The following PCDHGA9 variants were observed in gnomAD, a reference collection of about 807,000 sequenced individuals.
The protein encoded by PCDHGA9 is protocadherin gamma-A9.
A neutral mutation model predicts 62.5 loss-of-function variants in PCDHGA9; 37 were observed. The ratio of observed to expected loss-of-function variants is 0.59; its 90% CI spans 0.46 to 0.78. The LOEUF is 0.78. Among genes scored for constraint, PCDHGA9 ranks in the 30% least tolerant of loss-of-function variants. The pLI is 0.00. For missense variants in PCDHGA9, 1,138 were observed against 1,166.2 expected (o/e 0.98, Z 0.35); for synonymous variants, 459 against 484.6 (o/e 0.95, Z 0.69).
At chr5:141,427,132 G>T (rs755992698) in intron 1 of PCDHGA9, 1 of 457,106 alleles carries the variant, frequency 2.2e-6, no homozygotes, top group Non-Finnish European at 4.4e-6. Context: ...AAATCCCTAC[G>T]AGATGATATT....
At chr5:141,465,657 G>A (rs904553709) in intron 1 of PCDHGA9, among the ~76,000 whole-genome samples, 4 of 152,130 alleles carry the variant, frequency 2.6e-5, no homozygotes, top group East Asian at 1.9e-4. Flanking sequence ...CCAAAAAAGC[G>A]CTTGCCATGA....
intron 1 of PCDHGA9, chr5:141,423,762 G>T: frequency 2.3e-5 from 6 of 264,236 alleles, no homozygotes; most frequent in Non-Finnish European, 3.4e-5. Context: ...GGGGGGGGGT[G>T]GGGCGGCATA....
chr5:141,427,985 C>A (rs747784722), intron 1 of PCDHGA9: 23 of 1,597,524 alleles, frequency 1.4e-5, no homozygotes, highest in Non-Finnish European at 1.9e-5. Context: ...CGCTGGGGCC[C>A]GATGGCTCCG....
chr5:141,500,269 C>T (rs977958449), intron 2 of PCDHGA9, among the ~76,000 whole-genome samples: 1 of 151,504 alleles, frequency 6.6e-6, no homozygotes, highest in African/African-American at 2.4e-5. Context: ...ACTGCAGTGG[C>T]GCAATCTCGG....
chr5:141,419,741 A>C (rs769795920), intron 1 of PCDHGA9: 2 of 1,613,856 alleles, frequency 1.2e-6, no homozygotes, highest in Admixed American at 1.7e-5. Context: ...CGAGGTGCGC[A>C]TGGTGCGTGC....
intron 1 of PCDHGA9, among the ~76,000 whole-genome samples, chr5:141,444,476 C>A (rs1228271706): frequency 6.6e-6 from 1 of 152,088 alleles, no homozygotes; most frequent in Non-Finnish European, 1.5e-5. Flanking sequence ...CGGTCGCGTA[C>A]TGGATTTATA....
chr5:141,479,035 C>A (rs2099486361), intron 1 of PCDHGA9, among the ~76,000 whole-genome samples: 1 of 152,104 alleles, frequency 6.6e-6, no homozygotes, highest in Non-Finnish European at 1.5e-5. Context: ...TTATACAGAT[C>A]GTGTACCTCA....
rs192677983 is a variant in PCDHGA9 at position 141,457,339 on chromosome 5, A to G, written c.2425-37468A>G. On this transcript the variant is annotated intron_variant, in intron 1 of 3. Transcript: ENST00000573521. The stretch of plus-strand genomic sequence containing the variant: ...CCTCCGGGTTACAGGTACCTTACTT[A>G]CTTTCATTACCTGGCACAATTTGCA... Among the ~76,000 whole-genome samples the G allele has an allele frequency of 3.1e-4, 47 of 152,268 alleles. No individual in the cohort carries two copies. The South Asian group carries it at 3.3e-3, about 11-fold the overall frequency.
At position 141,490,124 on chromosome 5, in the gene PCDHGA9, T is replaced by C. The variant is rs1216088470; in HGVS notation, c.2425-4683T>C. On this transcript the variant is annotated intron_variant, in intron 1 of 3. Transcript: ENST00000573521. The surrounding 1 kb of genome is among the most constrained non-coding windows in gnomAD (Gnocchi z 5.4). ...GAGGCAGTGCGGAACCTCTTTGGCCTAGACCCTAGCAGTGGGGCAATCCAT... is the reference window on the plus strand; with the variant it reads ...GAGGCAGTGCGGAACCTCTTTGGCCCAGACCCTAGCAGTGGGGCAATCCAT... 6.2e-7 allele frequency: 1 copy of C among 1,614,144 alleles called. No individual in the cohort carries two copies. Among genetic ancestry groups the C allele is most frequent in the Non-Finnish European group, 8.5e-7 (1 of 1,180,054 alleles).
intron 1 of PCDHGA9, chr5:141,413,959 G>A: frequency 1.9e-6 from 3 of 1,613,372 alleles, no homozygotes; most frequent in Middle Eastern, 3.3e-4. Context: ...TTTGCCTGTG[G>A]GCACTCAGCT....
At chr5:141,406,544 T>A (rs1254762260) in intron 1 of PCDHGA9, among the ~76,000 whole-genome samples, 1 of 152,222 alleles carries the variant, frequency 6.6e-6, no homozygotes, top group Non-Finnish European at 1.5e-5. Context: ...AGATTCAAAC[T>A]TCAGTTATCC....
rs749007839 is a variant in PCDHGA9 at position 141,418,069 on chromosome 5, G to A, written c.2424+12693G>A. On this transcript the variant is annotated intron_variant, in intron 1 of 3. Coordinates refer to ENST00000573521, the MANE Select transcript of PCDHGA9 (RefSeq NM_018921.3). ...CGGCTCGCGAGCTGCGAGTGAGCGC[G>A]GAGAAGCTGCACTTCAGCGTAGACG... 1.7e-5 allele frequency: 28 copies of A among 1,613,926 alleles called. 1 individual carries two copies. The Middle Eastern group carries it at 9.9e-4, about 57-fold the overall frequency.
chr5:141,472,994 AAAAG>A (rs1425445230), intron 1 of PCDHGA9, among the ~76,000 whole-genome samples: 7 of 151,692 alleles, frequency 4.6e-5, no homozygotes, highest in African/African-American at 1.7e-4. Context: ...AAAAAAAAAA[AAAAG>A]AAAGAAAAAG....
At chr5:141,415,853 G>C (rs2154546169) in intron 1 of PCDHGA9, 1 of 1,186,350 alleles carries the variant, frequency 8.4e-7, no homozygotes, top group Admixed American at 4.0e-5. Context: ...GCAGAACCTT[G>C]TAGTTTATAG....
intron 2 of PCDHGA9, among the ~76,000 whole-genome samples, chr5:141,495,623 C>T (rs990126072): frequency 3.3e-5 from 5 of 152,208 alleles, no homozygotes; most frequent in South Asian, 2.1e-4. Context: ...GCACCTCAGC[C>T]TCAGTCCCTT....
At chr5:141,418,026 T>A (rs2154547454) in intron 1 of PCDHGA9, 1 of 1,613,962 alleles carries the variant, frequency 6.2e-7, no homozygotes, top group East Asian at 2.2e-5. Context: ...GATCTAGGGC[T>A]TAGTGTCCTG....
rs756505012 is a variant in PCDHGA9 at position 141,404,131 on chromosome 5, A to G, written c.1179A>G (p.Thr393=). Residue 393 remains threonine (T), a synonymous_variant, in exon 1 of 4, where the codon ACA becomes ACG. Transcript: ENST00000573521. ...VCSIQENLSF[T]LENSEEDYYR... ...CTATCCAGGAGAATCTATCTTTTAC[A>G]TTAGAAAATTCAGAAGAAGATTATT... 1.2e-6 allele frequency: 2 copies of G among 1,613,162 alleles called. No homozygotes were observed. The highest frequency in any genetic ancestry group is 2.2e-5 in the South Asian group (2 of 90,992).
chr5:141,458,578 TG>T, intron 1 of PCDHGA9, among the ~76,000 whole-genome samples: 1 of 152,138 alleles, frequency 6.6e-6, no homozygotes. Context: ...TTTGTTTGTT[TG>T]TTTGTTTTGG....
Position 141,500,251 on chromosome 5 carries a change from C to T in PCDHGA9, c.2484-5142C>T, listed in dbSNP as rs187199142. Among the ~76,000 whole-genome samples, 1,493 of 151,438 alleles carry T rather than the reference C, an allele frequency of 9.9e-3. 32 individuals are homozygous for T. Among genetic ancestry groups the T allele is most frequent in the African/African-American group, 0.035 (1,426 of 41,214 alleles). Reference sequence around the variant, plus strand: ...TGATACGTAGCCTTGCTCTGTCACCCAGGCTGGACTGCAGTGGCGCAATCT... The same window carrying T: ...TGATACGTAGCCTTGCTCTGTCACCTAGGCTGGACTGCAGTGGCGCAATCT... On this transcript the variant is annotated intron_variant, in intron 2 of 3. Coordinates refer to ENST00000573521, the MANE Select transcript of PCDHGA9 (RefSeq NM_018921.3).
Sources: gnomAD v4.1 joint callset for allele counts (sites outside exome capture counted in the v4.1 genomes callset) on GRCh38, gnomAD v4.1.1 for gene constraint, Gnocchi (gnomAD v3.1) non-coding constraint, MANE v1.5 for transcripts, NCBI Gene and HGNC (gene_info 2026-07-23, HGNC 2026-07-21) for gene names.